PCBD2: variants seen among roughly 807,000 people sequenced by gnomAD.
The protein encoded by PCBD2 is pterin-4-alpha-carbinolamine dehydratase 2.
PCBD2 carries 12 observed loss-of-function variants against 16.4 expected under a neutral mutation model. The ratio of observed to expected loss-of-function variants is 0.73; its 90% CI spans 0.47 to 1.19. PCBD2 has a LOEUF of 1.19. PCBD2 is among the 50% of genes most tolerant of loss of function. PCBD2 has a pLI of 0.00. For missense variants in PCBD2, 138 were observed against 156.8 expected (o/e 0.88, Z 0.64); for synonymous variants, 58 against 61.8 (o/e 0.94, Z 0.29).
At chr5:134,926,954 T>C in intron 2 of PCBD2, 1 of 398,492 alleles carries the variant, frequency 2.5e-6, no homozygotes, top group Non-Finnish European at 4.4e-6. Flanking sequence ...TGAGGCTTGC[T>C]AGAAGTCATC....
intron 2 of PCBD2, among the ~76,000 whole-genome samples, chr5:134,914,839 T>A (rs1750808806): frequency 6.6e-6 from 1 of 151,782 alleles, no homozygotes; most frequent in African/African-American, 2.4e-5. Flanking sequence ...GCCCAGCTAA[T>A]TTTTTGTATT....
At chr5:134,955,749 G>A (rs1751408458) in intron 2 of PCBD2, among the ~76,000 whole-genome samples, 1 of 152,098 alleles carries the variant, frequency 6.6e-6, no homozygotes, top group Admixed American at 6.5e-5. Context: ...GGTTGTTAGT[G>A]GTGTCTATTC....
chr5:134,910,683 T>G (rs1380773382), intron 2 of PCBD2, among the ~76,000 whole-genome samples: 1 of 152,258 alleles, frequency 6.6e-6, no homozygotes, highest in Non-Finnish European at 1.5e-5. Context: ...TTTGTGTTAC[T>G]TGGAAAACAA....
intron 2 of PCBD2, among the ~76,000 whole-genome samples, chr5:134,916,957 G>T (rs371536898): frequency 1.3e-5 from 2 of 152,334 alleles, no homozygotes; most frequent in South Asian, 2.1e-4. Context: ...AGACAGGGTG[G>T]GATTGGCATT....
chr5:134,944,311 A>C (rs549778513), intron 2 of PCBD2, among the ~76,000 whole-genome samples: 2 of 152,346 alleles, frequency 1.3e-5, no homozygotes, highest in South Asian at 4.1e-4. Flanking sequence ...GTTGTACACC[A>C]GAAATGAACA....
intron 2 of PCBD2, among the ~76,000 whole-genome samples, chr5:134,958,362 TG>T (rs1441287359): frequency 6.6e-6 from 1 of 152,246 alleles, no homozygotes; most frequent in Non-Finnish European, 1.5e-5. Flanking sequence ...GTCGTGTGAC[TG>T]GTTTGCAGCC....
intron 3 of PCBD2, among the ~76,000 whole-genome samples, chr5:134,959,836 A>T (rs188297367): frequency 6.6e-6 from 1 of 151,902 alleles, no homozygotes; most frequent in East Asian, 1.9e-4. Context: ...GTTCATCAAG[A>T]AACAGCATTC....
At chr5:134,915,435 A>ATTT in intron 2 of PCBD2, among the ~76,000 whole-genome samples, 1 of 143,756 alleles carries the variant, frequency 7.0e-6, no homozygotes, top group African/African-American at 2.6e-5. Flanking sequence ...ATGGGCCTCT[A>ATTT]ATTTTTTTTT....
chr5:134,951,317 C>G (rs542918322), intron 2 of PCBD2, among the ~76,000 whole-genome samples: 1 of 151,990 alleles, frequency 6.6e-6, no homozygotes, highest in African/African-American at 2.4e-5. Flanking sequence ...AGTAATGTAT[C>G]TTAGAGGTAC....
chr5:134,960,803 G>A lies in PCBD2; in HGVS notation c.*122G>A. On this transcript the variant is annotated 3_prime_UTR_variant, in exon 4 of 4. Coordinates refer to ENST00000254908, the MANE Select transcript of PCBD2 (RefSeq NM_032151.5). ...TTTTTTTAAGACAGAGTGTTGCTCT[G>A]TCGCCCAGGCCAGAGTGCAGTGGTA... 1.2e-6 allele frequency: 1 copy of A among 815,100 alleles called. No individual in the cohort carries two copies. The highest frequency in any genetic ancestry group is 1.9e-6 in the Non-Finnish European group (1 of 518,782). The allele number at this position is 815,100 out of a possible 1,614,324, so 50.5% of individuals were successfully genotyped here.
intron 2 of PCBD2, among the ~76,000 whole-genome samples, chr5:134,957,748 G>A (rs772944943): frequency 3.9e-5 from 6 of 152,184 alleles, no homozygotes; most frequent in Non-Finnish European, 7.4e-5. Flanking sequence ...TAGACAATCA[G>A]ATTATGAGAT....
intron 2 of PCBD2, among the ~76,000 whole-genome samples, chr5:134,911,459 C>T (rs1218664809): frequency 6.6e-6 from 1 of 152,120 alleles, no homozygotes; most frequent in Non-Finnish European, 1.5e-5. Context: ...TTTGTTTGTT[C>T]AGTTAGTTTG....
rs1561454491 is a variant in PCBD2 at position 134,962,107 on chromosome 5, T to TGTGTGTGTGTGTGTGTG, written c.*1426_*1427insGTGTGTGTGTGTGTGTG. On this transcript the variant is annotated 3_prime_UTR_variant, in exon 4 of 4. Transcript: ENST00000254908. Reference sequence around the variant, plus strand: ...GTGTGTGTGTGTGTGTGTGTGTGTGTTTGACACGGGGTCTCATTCTGTTGC... The same window carrying TGTGTGTGTGTGTGTGTG: ...GTGTGTGTGTGTGTGTGTGTGTGTGTGTGTGTGTGTGTGTGTGTTGACACGGGGTCTCATTCTGTTGC... Among the ~76,000 whole-genome samples the TGTGTGTGTGTGTGTGTG allele has an allele frequency of 3.3e-5, 5 of 150,416 alleles. No homozygotes were observed. Among genetic ancestry groups the TGTGTGTGTGTGTGTGTG allele is most frequent in the African/African-American group, 9.8e-5 (4 of 40,996 alleles).
chr5:134,954,887 G>T (rs895039769), intron 2 of PCBD2, among the ~76,000 whole-genome samples: 1 of 151,660 alleles, frequency 6.6e-6, no homozygotes, highest in African/African-American at 2.4e-5. Context: ...GAGTACAGGT[G>T]CGCACTGCCA....
At chr5:134,918,094 A>G (rs1479505634) in intron 2 of PCBD2, among the ~76,000 whole-genome samples, 1 of 152,236 alleles carries the variant, frequency 6.6e-6, no homozygotes, top group Non-Finnish European at 1.5e-5. Flanking sequence ...TGTGCACATC[A>G]AAGTTATGAG....
At chr5:134,959,946 A>C (rs1554067342) in intron 3 of PCBD2, among the ~76,000 whole-genome samples, 1 of 127,148 alleles carries the variant, frequency 7.9e-6, no homozygotes, top group Non-Finnish European at 1.5e-5. Context: ...GCTGGAGTGC[A>C]GTGCTGCGAT....
chr5:134,910,193 T>C (rs1750749469), intron 1 of PCBD2, 142 bp from the exon 2 acceptor site: 4 of 930,786 alleles, frequency 4.3e-6, no homozygotes, highest in Non-Finnish European at 6.3e-6. Flanking sequence ...CTTTGGTCTC[T>C]TTAAGAGAAC....
intron 2 of PCBD2, among the ~76,000 whole-genome samples, chr5:134,918,364 G>A (rs1158886040): frequency 6.6e-6 from 1 of 152,116 alleles, no homozygotes. Flanking sequence ...AATCAGCTGG[G>A]CGTGGTAGAA....
intron 2 of PCBD2, among the ~76,000 whole-genome samples, chr5:134,958,237 A>G (rs1751436214): frequency 6.6e-6 from 1 of 152,194 alleles, no homozygotes; most frequent in African/African-American, 2.4e-5. Flanking sequence ...AAAATTGAAA[A>G]CAAACAAAAA....
Sources: gnomAD v4.1 joint callset for allele counts (sites outside exome capture counted in the v4.1 genomes callset) on GRCh38, gnomAD v4.1.1 for gene constraint, MANE v1.5 for transcripts, NCBI Gene and HGNC (gene_info 2026-07-23, HGNC 2026-07-21) for gene names.